The following MAP3K7 variants were observed in gnomAD, a reference collection of about 807,000 sequenced individuals.
MAP3K7 encodes TGF-beta activated kinase 1.
A neutral mutation model predicts 84.8 loss-of-function variants in MAP3K7; 21 were observed. That is an observed-to-expected ratio of 0.25 (90% confidence interval 0.18 to 0.36). MAP3K7 has a LOEUF of 0.36. Ranked by LOEUF, MAP3K7 falls within the 10% of genes least tolerant of loss-of-function variation. MAP3K7 has a pLI of 1.00. For synonymous variants in MAP3K7, 241 were observed against 247.7 expected (o/e 0.97, Z 0.25); for missense variants, 503 against 747.7 (o/e 0.67, Z 3.82).
At chr6:90,523,529 T>C in intron 14 of MAP3K7, 149 bp downstream of exon 14, 2 of 478,018 alleles carry the variant, frequency 4.2e-6, no homozygotes, top group Non-Finnish European at 7.5e-6. Context: ...AATGGTATTT[T>C]AACATGTATT....
rs992255216 is a variant in MAP3K7, at chr6:90,564,090, A to G, written c.298-2423T>C. 1.8e-4 allele frequency among the ~76,000 whole-genome samples: 28 copies of G among 152,322 alleles called. 1 individual carries two copies. Among genetic ancestry groups the G allele is most frequent in the South Asian group, 6.2e-4 (3 of 4,828 alleles). On this transcript the variant is annotated intron_variant, in intron 3 of 16. Transcript: ENST00000369329. ...GAAGCACTAAACATGGAAAGGAACA[A>G]CCGGTACCAGCCATTGCAAAAACAT... is the stretch of plus-strand genomic sequence containing the variant.
At chr6:90,540,613 T>C (rs1280610700) in intron 12 of MAP3K7, among the ~76,000 whole-genome samples, 3 of 151,976 alleles carry the variant, frequency 2.0e-5, no homozygotes, top group Admixed American at 6.6e-5. Context: ...TAAGTATATA[T>C]GTATATGACA....
chr6:90,542,501 T>C, intron 12 of MAP3K7: 3 of 985,136 alleles, frequency 3.0e-6, no homozygotes, highest in African/African-American at 1.7e-5. Context: ...AGGATCTCCC[T>C]GGCTGAAGAG....
chr6:90,561,959 A>G (rs539035815), intron 3 of MAP3K7, among the ~76,000 whole-genome samples: 2 of 152,356 alleles, frequency 1.3e-5, no homozygotes, highest in South Asian at 4.1e-4. Flanking sequence ...CAAAAGCCTC[A>G]TAAGAAGATG....
intron 5 of MAP3K7, 137 bp from the exon 6 acceptor site, chr6:90,556,761 T>A: frequency 7.2e-6 from 6 of 832,990 alleles, no homozygotes; most frequent in Non-Finnish European, 1.1e-5. Context: ...AAATGACTAA[T>A]TTACTTGGTC....
At position 90,550,533 on chromosome 6, in the gene MAP3K7, T is replaced by C; in HGVS notation, c.884A>G (p.Asp295Gly). The change falls in exon 9 of 17, where the codon GAT becomes GGT. Residue 295 changes from aspartate to glycine, a missense_variant. By Grantham distance (94) the Asp-to-Gly change is moderately conservative. Around this residue, in one of 5 missense-constraint regions of MAP3K7, gnomAD observed 286 missense variants for 313.6 expected, o/e 0.91. Transcript: ENST00000369329. Reference sequence around the variant, plus strand: ...CTGACAAGGATACTGTAATGGCTCATCTGCTCCTGGAAAGTACTATATATA... The same window carrying C: ...CTGACAAGGATACTGTAATGGCTCACCTGCTCCTGGAAAGTACTATATATA... ...THLMRYFPGA[D>G]EPLQYPCQYS... The C allele has an allele frequency of 2.5e-6, 4 of 1,609,730 alleles. No individual in the cohort carries two copies. Among genetic ancestry groups the C allele is most frequent in the Non-Finnish European group, 3.4e-6 (4 of 1,176,896 alleles).
chr6:90,518,569 A>T lies in MAP3K7; in HGVS notation c.1525-7T>A. The T allele has an allele frequency of 7.2e-7, 1 of 1,391,550 alleles. No individual in the cohort carries two copies. Among genetic ancestry groups the T allele is most frequent in the Non-Finnish European group, 1.0e-6 (1 of 980,804 alleles). 86.2% of individuals were successfully genotyped at this position (1,391,550 alleles called of 1,614,324 possible). Reference sequence around the variant, plus strand: ...TTGGGCACGGTGCTAGAGGCTGAAAATAATCAGGAATGTTAAAACATAATT... The same window carrying T: ...TTGGGCACGGTGCTAGAGGCTGAAATTAATCAGGAATGTTAAAACATAATT... On this transcript the variant is annotated splice_region_variant and splice_polypyrimidine_tract_variant and intron_variant, in intron 15 of 16. Transcript: ENST00000369329.
chr6:90,517,503 T>C (rs1242451896), intron 16 of MAP3K7, among the ~76,000 whole-genome samples: 1 of 151,846 alleles, frequency 6.6e-6, no homozygotes, highest in Non-Finnish European at 1.5e-5. Flanking sequence ...CAGCATAGAA[T>C]ACTTCTTTCA....
chr6:90,556,192 T>C (rs190997406), intron 6 of MAP3K7, among the ~76,000 whole-genome samples: 9 of 152,334 alleles, frequency 5.9e-5, no homozygotes, highest in African/African-American at 1.9e-4. Flanking sequence ...TGTCTGCAAA[T>C]AACCATGAAA....
intron 12 of MAP3K7, among the ~76,000 whole-genome samples, chr6:90,542,932 A>G (rs1380674044): frequency 6.6e-6 from 1 of 151,948 alleles, no homozygotes; most frequent in Non-Finnish European, 1.5e-5. Flanking sequence ...GTTATAAACT[A>G]TTATTCTTTC....
intron 4 of MAP3K7, among the ~76,000 whole-genome samples, chr6:90,560,680 A>G (rs999710075): frequency 6.6e-6 from 1 of 152,186 alleles, no homozygotes; most frequent in Non-Finnish European, 1.5e-5. Context: ...TCTTCTAAAT[A>G]AAAAGGATGA....
intron 5 of MAP3K7, 93 bp downstream of exon 5, chr6:90,559,983 A>G (rs1354395378): frequency 7.0e-7 from 1 of 1,423,410 alleles, no homozygotes; most frequent in Non-Finnish European, 9.8e-7. Flanking sequence ...ACTCCTGTAC[A>G]ATAATGAGCT....
chr6:90,541,942 C>T (rs1775866422), intron 12 of MAP3K7, among the ~76,000 whole-genome samples: 1 of 151,908 alleles, frequency 6.6e-6, no homozygotes, highest in Admixed American at 6.6e-5. Context: ...CAGTACATTG[C>T]ACTTGGCCAA....
chr6:90,547,683 C>T (rs1776047647), intron 10 of MAP3K7, among the ~76,000 whole-genome samples: 2 of 152,120 alleles, frequency 1.3e-5, no homozygotes, highest in Admixed American at 6.6e-5. Flanking sequence ...TAAAAATCAA[C>T]AATGGCAAAA....
rs1776145923 is a variant in MAP3K7, at chr6:90,550,491, T to C, written c.926A>G (p.Gln309Arg). 2 of 1,611,314 alleles carry C rather than the reference T, an allele frequency of 1.2e-6. No individual in the cohort carries two copies. Among genetic ancestry groups the C allele is most frequent in the African/African-American group, 1.3e-5 (1 of 74,856 alleles). ...QYPCQYSDEG[Q>R]SNSATSTGSF... ...ACCTGTACTGGTGGCAGAGTTGCTCTGTCCTTCATCTGAATACTGACAAGG... is the reference window on the plus strand; with the variant it reads ...ACCTGTACTGGTGGCAGAGTTGCTCCGTCCTTCATCTGAATACTGACAAGG... Residue 309 changes from glutamine (Q) to arginine (R), a missense_variant, in exon 9 of 17, where the codon CAG becomes CGG. Gln to Arg is a conservative substitution (Grantham distance 43, BLOSUM62 1). Coordinates refer to ENST00000369329, the MANE Select transcript of MAP3K7 (RefSeq NM_145331.3).
intron 12 of MAP3K7, among the ~76,000 whole-genome samples, chr6:90,542,725 A>G (rs1012634931): frequency 2.6e-5 from 4 of 151,998 alleles, no homozygotes; most frequent in Admixed American, 6.6e-5. Flanking sequence ...TAGTTGTAAG[A>G]TTGTATAAAG....
intron 13 of MAP3K7, among the ~76,000 whole-genome samples, chr6:90,533,882 T>TCC: frequency 6.6e-6 from 1 of 152,296 alleles, no homozygotes; most frequent in Non-Finnish European, 1.5e-5. Context: ...TTTCAAAGCT[T>TCC]CTAGGAAGTC....
At chr6:90,523,898 AAAC>A in intron 13 of MAP3K7, 115 bp from the exon 14 acceptor site, 1 of 622,888 alleles carries the variant, frequency 1.6e-6, no homozygotes, top group African/African-American at 1.8e-5. Context: ...AAACTCTTGT[AAAC>A]AACAAAATAA....
At chr6:90,550,308 G>A (rs1776139451) in intron 9 of MAP3K7, among the ~76,000 whole-genome samples, 160 bp downstream of exon 9, 1 of 152,110 alleles carries the variant, frequency 6.6e-6, no homozygotes, top group African/African-American at 2.4e-5. Flanking sequence ...GTACCTACAT[G>A]AAGAATGACG....
Sources: gnomAD v4.1 joint callset for allele counts (sites outside exome capture counted in the v4.1 genomes callset) on GRCh38, gnomAD v4.1.1 for gene constraint, gnomAD v4.1.1 regional missense constraint, MANE v1.5 for transcripts, NCBI Gene and HGNC (gene_info 2026-07-23, HGNC 2026-07-21) for gene names.